SMCHD1: variants seen among roughly 807,000 people sequenced by gnomAD.
The protein encoded by SMCHD1 is structural maintenance of chromosomes flexible hinge domain-containing protein 1.
SMCHD1 carries 78 observed loss-of-function variants against 254.7 expected under a neutral mutation model. The observed-to-expected ratio is 0.31, with a 90% CI of 0.26 to 0.37. The LOEUF is 0.37. SMCHD1 is among the 10% of genes least tolerant of loss of function. The pLI, the probability that SMCHD1 is intolerant of heterozygous loss-of-function variation, is 1.00. For missense variants in SMCHD1, 1,840 were observed against 2,408.1 expected (o/e 0.76, Z 4.94); for synonymous variants, 766 against 794.9 (o/e 0.96, Z 0.61).
In SMCHD1 at chr18:2,656,281, A is replaced by G. The variant is rs766020943; in HGVS notation, c.186+20A>G. On this transcript the variant is annotated intron_variant, in intron 1 of 47. Transcript: ENST00000320876. The stretch of plus-strand genomic sequence containing the variant: ...TGTCAGGTACGCGAAGGGGCGAGGA[A>G]GGGATGCGCGTGTAGACTTGGGGGC... The G allele has an allele frequency of 9.5e-6, 14 of 1,470,418 alleles. No individual in the cohort carries two copies. The highest frequency in any genetic ancestry group is 1.2e-5 in the Non-Finnish European group (14 of 1,121,010). The allele number at this position is 1,470,418 out of a possible 1,614,324, so 91.1% of individuals were successfully genotyped here.
At chr18:2,778,058 T>TTAGAACGAATAC in intron 43 of SMCHD1, 111 bp from the exon 44 acceptor site, 1 of 989,802 alleles carries the variant, frequency 1.0e-6, no homozygotes, top group Non-Finnish European at 1.5e-6. Context: ...ACAAATAAAA[T>TTAGAACGAATAC]TAGAACGAAT....
intron 45 of SMCHD1, among the ~76,000 whole-genome samples, chr18:2,785,443 T>G (rs554154284): frequency 3.3e-5 from 5 of 151,854 alleles, no homozygotes; most frequent in Non-Finnish European, 5.9e-5. Context: ...GGTCAGGAGA[T>G]CGAGCCCATC....
intron 3 of SMCHD1, 158 bp from the exon 4 acceptor site, chr18:2,673,123 G>A: frequency 1.0e-6 from 1 of 985,298 alleles, no homozygotes; most frequent in African/African-American, 1.7e-5. Flanking sequence ...GGTGATTGGT[G>A]ATGATGCCTT....
chr18:2,761,027 A>C (rs1211380002), intron 35 of SMCHD1, among the ~76,000 whole-genome samples: 1 of 152,200 alleles, frequency 6.6e-6, no homozygotes, highest in Non-Finnish European at 1.5e-5. Context: ...TAGTGTTGTA[A>C]AGTTGCTTAT....
At chr18:2,678,548 C>T (rs2073829629) in intron 5 of SMCHD1, among the ~76,000 whole-genome samples, 1 of 152,112 alleles carries the variant, frequency 6.6e-6, no homozygotes, top group Non-Finnish European at 1.5e-5. Context: ...AACTCCTGAC[C>T]TTAGGTAATC....
chr18:2,729,643 C>G lies in SMCHD1; in HGVS notation c.3048+234C>G, dbSNP rs143317738. Among the ~76,000 whole-genome samples, 656 of 151,130 alleles carry G rather than the reference C, an allele frequency of 4.3e-3. 5 individuals are homozygous for G. Among genetic ancestry groups the G allele is most frequent in the African/African-American group, 0.015 (614 of 41,228 alleles). On this transcript the variant is annotated intron_variant, in intron 24 of 47. Transcript: ENST00000320876. ...ACAGTGTCTTTTATAGTGTCTATAA[C>G]TATTATTGATTTACATTTCCCTAAA... is the stretch of plus-strand genomic sequence containing the variant.
At chr18:2,773,650 G>A (rs577744332) in intron 41 of SMCHD1, among the ~76,000 whole-genome samples, 110 of 152,224 alleles carry the variant, frequency 7.2e-4, no homozygotes, top group African/African-American at 2.0e-3. Context: ...GTCCGGGCGC[G>A]TTGGCTCACA....
chr18:2,658,927 CAT>C (rs1209248603), intron 1 of SMCHD1, among the ~76,000 whole-genome samples: 1 of 146,578 alleles, frequency 6.8e-6, no homozygotes, highest in Admixed American at 7.0e-5. Flanking sequence ...CATATATACA[CAT>C]ATATACACAT....
chr18:2,749,022 C>T (rs2075522011), intron 30 of SMCHD1, among the ~76,000 whole-genome samples: 4 of 152,104 alleles, frequency 2.6e-5, no homozygotes, highest in Non-Finnish European at 1.5e-5. Context: ...ATAGTAATTA[C>T]AGTTGGAGTT....
At chr18:2,781,225 G>A (rs1389188722) in intron 44 of SMCHD1, among the ~76,000 whole-genome samples, 1 of 152,238 alleles carries the variant, frequency 6.6e-6, no homozygotes, top group African/African-American at 2.4e-5. Flanking sequence ...AACTCCAGCT[G>A]CTTCAGGGAA....
chr18:2,707,585 A>G lies in SMCHD1; in HGVS notation c.2086A>G (p.Thr696Ala). ...MARLPDRLSV[T>A]WPEGDELLPN... ...CAGGCTCCCTGATAGATTGTCAGTAACTTGGCCTGAAGGAGATGAATTATT... is the reference window on the plus strand; with the variant it reads ...CAGGCTCCCTGATAGATTGTCAGTAGCTTGGCCTGAAGGAGATGAATTATT... Residue 696 changes from threonine to alanine, a missense_variant, in exon 16 of 48, where the codon ACT becomes GCT. By Grantham distance (58) the Thr-to-Ala change is moderately conservative. Around this residue, in one of 9 missense-constraint regions of SMCHD1, gnomAD observed 498 missense variants for 743.5 expected, o/e 0.67. Coordinates refer to ENST00000320876, the MANE Select transcript of SMCHD1 (RefSeq NM_015295.3). 6.2e-7 allele frequency: 1 copy of G among 1,608,154 alleles called. No homozygotes were observed. The highest frequency in any genetic ancestry group is 8.5e-7 in the Non-Finnish European group (1 of 1,176,632).
Position 2,697,811 on chromosome 18 carries a change from T to G in SMCHD1, c.1132-20T>G, listed in dbSNP as rs573429239. 153 of 1,496,466 alleles carry G rather than the reference T, an allele frequency of 1.0e-4. No individual in the cohort carries two copies. The highest frequency in any genetic ancestry group is 1.4e-4 in the Non-Finnish European group (151 of 1,077,978). 92.7% of individuals were successfully genotyped at this position (1,496,466 alleles called of 1,614,324 possible). A position where few individuals can be genotyped will look rare whatever the true frequency, so the allele number is the denominator to read the frequency against. ...AAGTTACCATAGAATTTAATTATTT[T>G]TGTTTCCTTTTTATTTTAGATTTCT... is the stretch of plus-strand genomic sequence containing the variant. On this transcript the variant is annotated intron_variant, in intron 9 of 47. Coordinates refer to ENST00000320876, the MANE Select transcript of SMCHD1 (RefSeq NM_015295.3).
chr18:2,770,876 C>CT (rs1386412264), intron 39 of SMCHD1, among the ~76,000 whole-genome samples: 5 of 152,266 alleles, frequency 3.3e-5, no homozygotes, highest in East Asian at 3.9e-4. Context: ...CCACCTTGGC[C>CT]CCCACAAAGT....
In SMCHD1 at chr18:2,796,529, T is replaced by C. The variant is rs1224187276; in HGVS notation, c.5993+8T>C. The C allele has an allele frequency of 1.1e-5, 17 of 1,533,842 alleles. No homozygotes were observed. The highest frequency in any genetic ancestry group is 1.5e-5 in the Non-Finnish European group (17 of 1,120,472). On this transcript the variant is annotated splice_region_variant and intron_variant, in intron 47 of 47. Transcript: ENST00000320876. ...AGCTACAAGACAAAATAGGTGAGTT[T>C]GTTTGACCTGAGAATTATGCTTGGT...
intron 5 of SMCHD1, among the ~76,000 whole-genome samples, chr18:2,684,732 T>TGTGTGTGTGTGTGTGTGTGA (rs534087695): frequency 2.0e-5 from 3 of 151,014 alleles, no homozygotes; most frequent in Non-Finnish European, 3.0e-5. Context: ...TGTGTGTGTG[T>TGTGTGTGTGTGTGTGTGTGA]GATTCCATTT....
At position 2,725,132 on chromosome 18, in the gene SMCHD1, C is replaced by T. The variant is rs1186651446; in HGVS notation, c.2700+137C>T. 35 of 466,606 alleles carry T rather than the reference C, an allele frequency of 7.5e-5. No homozygotes were observed. In the Admixed American group the frequency reaches 1.3e-3, roughly 18 times the overall value. The allele number at this position is 466,606 out of a possible 1,614,324, so 28.9% of individuals were successfully genotyped here. A position where few individuals can be genotyped will look rare whatever the true frequency, so the allele number is the denominator to read the frequency against. On this transcript the variant is annotated intron_variant, in intron 21 of 47. Transcript: ENST00000320876. Reference sequence around the variant, plus strand: ...AGTAATTGGGTTCTTAGGAATTTATCAGCATTATGCCACCTGACTTATCAG... The same window carrying T: ...AGTAATTGGGTTCTTAGGAATTTATTAGCATTATGCCACCTGACTTATCAG...
intron 17 of SMCHD1, among the ~76,000 whole-genome samples, chr18:2,712,775 C>G (rs748995242): frequency 2.0e-5 from 3 of 152,168 alleles, no homozygotes; most frequent in Non-Finnish European, 4.4e-5. Flanking sequence ...CCTCATTTTA[C>G]GCCAAAGTGA....
chr18:2,703,817 A>T lies in SMCHD1; in HGVS notation c.1773A>T (p.Lys591Asn). ...GVITRPDLPS[K>N]KQGPWATYAA... ...TTACACGTCCTGATCTTCCTTCTAA[A>T]AAGCAAGGTCCCTGGGCAACATATG... Residue 591 changes from lysine (K) to asparagine (N), a missense_variant, in exon 13 of 48, where the codon AAA becomes AAT. Lys to Asn is a moderately conservative substitution (Grantham distance 94). Around this residue, in one of 9 missense-constraint regions of SMCHD1, gnomAD observed 498 missense variants for 743.5 expected, o/e 0.67. Transcript: ENST00000320876. 1 of 1,613,140 alleles carries T rather than the reference A, an allele frequency of 6.2e-7. No homozygotes were observed. The highest frequency in any genetic ancestry group is 8.5e-7 in the Non-Finnish European group (1 of 1,179,374).
chr18:2,725,107 A>G, intron 21 of SMCHD1, 112 bp downstream of exon 21: 1 of 577,290 alleles, frequency 1.7e-6, no homozygotes, highest in Non-Finnish European at 2.8e-6. Flanking sequence ...AACAGATGAC[A>G]GTAATTGGGT....
Sources: gnomAD v4.1 joint callset for allele counts (sites outside exome capture counted in the v4.1 genomes callset) on GRCh38, gnomAD v4.1.1 for gene constraint, gnomAD v4.1.1 regional missense constraint, MANE v1.5 for transcripts, NCBI Gene and HGNC (gene_info 2026-07-23, HGNC 2026-07-21) for gene names.